Variants in FAT2 observed in about 807,000 individuals in gnomAD.
FAT2 encodes protocadherin Fat 2.
FAT2 carries 150 observed loss-of-function variants against 295.3 expected under a neutral mutation model. The ratio of observed to expected loss-of-function variants is 0.51; its 90% CI spans 0.44 to 0.58. FAT2 has a LOEUF of 0.58. Among genes scored for constraint, FAT2 ranks in the 20% least tolerant of loss-of-function variants. The pLI is 0.00. For synonymous variants in FAT2, 2,026 were observed against 2,150.3 expected (o/e 0.94, Z 1.60); for missense variants, 4,868 against 5,442.7 (o/e 0.89, Z 3.32).
At chr5:151,532,910 T>G (rs1380502597) in intron 13 of FAT2, among the ~76,000 whole-genome samples, 1 of 152,352 alleles carries the variant, frequency 6.6e-6, no homozygotes, top group East Asian at 1.9e-4. Flanking sequence ...GAGTTGAATT[T>G]ATATCCATTA....
intron 10 of FAT2, among the ~76,000 whole-genome samples, 191 bp from the exon 11 acceptor site, chr5:151,540,954 T>C (rs1756068948): frequency 6.6e-6 from 1 of 152,274 alleles, no homozygotes; most frequent in African/African-American, 2.4e-5. Context: ...CTACTTCAAA[T>C]GCCTCCTGTT....
chr5:151,542,727 A>T lies in FAT2; in HGVS notation c.8400T>A (p.Asp2800Glu). 1 of 1,614,220 alleles carries T rather than the reference A, an allele frequency of 6.2e-7. No individual in the cohort carries two copies. The highest frequency in any genetic ancestry group is 8.5e-7 in the Non-Finnish European group (1 of 1,180,044). ...VNDNRPVFEA[D>E]PYKAVLTENM... The stretch of plus-strand genomic sequence containing the variant: ...TCTCAGTGAGGACAGCCTTATATGG[A>T]TCAGCCTCAAATACAGGCCTATTGT... Residue 2800 changes from aspartate to glutamate, a missense_variant, in exon 10 of 24, where the codon GAT becomes GAA. By Grantham distance (45) the Asp-to-Glu change is conservative. Around this residue, in one of 5 missense-constraint regions of FAT2, gnomAD observed 3,297 missense variants for 3,669.4 expected, o/e 0.90. Coordinates refer to ENST00000261800, the MANE Select transcript of FAT2 (RefSeq NM_001447.3).
intron 1 of FAT2, among the ~76,000 whole-genome samples, chr5:151,581,874 C>G (rs568400236): frequency 3.9e-5 from 6 of 152,360 alleles, no homozygotes; most frequent in East Asian, 1.9e-4. Context: ...CCTCTCCTGC[C>G]AGCAAACACA....
rs551921133 is a variant in FAT2 at position 151,533,642 on chromosome 5, T to C, written c.9427+767A>G. Among the ~76,000 whole-genome samples the C allele has an allele frequency of 3.9e-5, 6 of 152,300 alleles. No individual in the cohort carries two copies. The South Asian group carries it at 1.2e-3, about 32-fold the overall frequency. Reference sequence around the variant, plus strand: ...CATCATTTTCCTGTGTTGACCTGGCTATTCTGATGCTGAGAGCATTTTTTT... The same window carrying C: ...CATCATTTTCCTGTGTTGACCTGGCCATTCTGATGCTGAGAGCATTTTTTT... On this transcript the variant is annotated intron_variant, in intron 13 of 23. Transcript: ENST00000261800.
In FAT2 at chr5:151,568,814, C is replaced by T; in HGVS notation, c.118G>A (p.Ala40Thr). ...GGAGAAGAATTTTCATAGATGGTGG[C>T]ATTGTAATGGGAGTGTGTGAAGTGC... ...AWHFTHSHYN[A>T]TIYENSSPKT... Residue 40 changes from alanine (A) to threonine (T), a missense_variant, in exon 2 of 24, where the codon GCC (alanine) becomes ACC (threonine). Around this residue, in one of 5 missense-constraint regions of FAT2, gnomAD observed 3,297 missense variants for 3,669.4 expected, o/e 0.90. Coordinates refer to ENST00000261800, the MANE Select transcript of FAT2 (RefSeq NM_001447.3). The T allele has an allele frequency of 6.2e-7, 1 of 1,614,042 alleles. No homozygotes were observed. The highest frequency in any genetic ancestry group is 8.5e-7 in the Non-Finnish European group (1 of 1,180,010).
At chr5:151,585,155 G>A (rs917346729) in intron 1 of FAT2, among the ~76,000 whole-genome samples, 1 of 152,214 alleles carries the variant, frequency 6.6e-6, no homozygotes, top group Admixed American at 6.5e-5. Context: ...TAAAGAAGGA[G>A]TGATGTGGCT....
intron 19 of FAT2, among the ~76,000 whole-genome samples, chr5:151,518,133 C>T (rs1753053021): frequency 6.6e-6 from 1 of 151,994 alleles, no homozygotes; most frequent in Non-Finnish European, 1.5e-5. Flanking sequence ...AAGTTCGAGA[C>T]CAGCCTGGGC....
intron 3 of FAT2, among the ~76,000 whole-genome samples, chr5:151,560,567 C>G (rs542876494): frequency 1.3e-5 from 2 of 152,328 alleles, no homozygotes; most frequent in South Asian, 4.1e-4. Flanking sequence ...TTCCATGAAG[C>G]CCTTGCAGAT....
At position 151,542,974 on chromosome 5, in the gene FAT2, G is replaced by T. The variant is rs762191044; in HGVS notation, c.8153C>A (p.Ala2718Asp). Residue 2718 changes from alanine (A) to aspartate (D), a missense_variant, in exon 10 of 24, where the codon GCT becomes GAT. By Grantham distance (126) the Ala-to-Asp change is moderately radical. Transcript: ENST00000261800. ...SEIGIVKAVA[A>D]QDPVIYSLVR... ...TAGACTGTAGATGACTGGATCTTGA[G>T]CTGCCACTGCTTTAACAATCCCAAT... is the stretch of plus-strand genomic sequence containing the variant. 3.7e-6 allele frequency: 6 copies of T among 1,614,192 alleles called. No individual in the cohort carries two copies. The Admixed American group carries it at 6.7e-5, about 18-fold the overall frequency.
chr5:151,554,738 A>AGCCCT, intron 4 of FAT2, 65 bp from the exon 5 acceptor site: 3 of 1,253,792 alleles, frequency 2.4e-6, no homozygotes, highest in African/African-American at 3.0e-5. Flanking sequence ...ATGCTTTAAC[A>AGCCCT]ACCTGGAAAT....
At chr5:151,519,331 G>A (rs904881571) in intron 19 of FAT2, among the ~76,000 whole-genome samples, 4 of 152,176 alleles carry the variant, frequency 2.6e-5, no homozygotes, top group African/African-American at 7.2e-5. Context: ...GTGACAGAGC[G>A]AGACTTCATC....
rs1237248391 is a variant in FAT2, at chr5:151,554,488, C to T, written c.3819G>A (p.Glu1273=). 3.7e-6 allele frequency: 6 copies of T among 1,614,234 alleles called. No homozygotes were observed. Among genetic ancestry groups the T allele is most frequent in the South Asian group, 2.2e-5 (2 of 91,092 alleles). The change falls in exon 5 of 24, where the codon GAG becomes GAA. Residue 1273 remains glutamate (E), a synonymous_variant. Transcript: ENST00000261800. ...VYRLVASDLD[E]GLNGRVTYSI... ...TGTAGGTGACTCTGCCATTAAGACC[C>T]TCATCCAGGTCTGAAGCCACCAGCC...
At chr5:151,559,448 T>C (rs1757924583) in intron 3 of FAT2, among the ~76,000 whole-genome samples, 1 of 151,848 alleles carries the variant, frequency 6.6e-6, no homozygotes, top group Non-Finnish European at 1.5e-5. Context: ...GGGCCTGGGG[T>C]CCCCCAGGAA....
At chr5:151,556,177 C>T in intron 4 of FAT2, 167 bp downstream of exon 4, 4 of 645,878 alleles carry the variant, frequency 6.2e-6, no homozygotes, top group Admixed American at 4.5e-5. Flanking sequence ...CTTCTCAGTG[C>T]TGAGGAGCTA....
intron 18 of FAT2, among the ~76,000 whole-genome samples, chr5:151,522,598 A>T (rs1473363711): frequency 6.6e-6 from 1 of 152,208 alleles, no homozygotes; most frequent in African/African-American, 2.4e-5. Context: ...CCAGGAGAAA[A>T]GAGACAATAA....
intron 19 of FAT2, among the ~76,000 whole-genome samples, chr5:151,518,749 AAGCATCTTTGAC>A (rs1581302051): frequency 2.0e-5 from 3 of 152,294 alleles, no homozygotes; most frequent in Admixed American, 1.3e-4. Context: ...TGAGTTTCTT[AAGCATCTTTGAC>A]TGTGGGACAC....
chr5:151,522,223 T>A, intron 18 of FAT2, 137 bp from the exon 19 acceptor site: 1 of 619,816 alleles, frequency 1.6e-6, no homozygotes, highest in Non-Finnish European at 2.6e-6. Flanking sequence ...CATTGTTGCA[T>A]TTAGAAAAAA....
rs769966171 is a variant in FAT2 at position 151,566,702 on chromosome 5, C to G, written c.2230G>C (p.Ala744Pro). The stretch of plus-strand genomic sequence containing the variant: ...TAGACCAGTTTGCCATTAAAACCAG[C>G]ATCAGGGTCAGTGGCTGCTAGGCGG... ...LARLAATDPD[A>P]GFNGKLVYVI... The change falls in exon 2 of 24, where the codon GCT becomes CCT. Residue 744 changes from alanine (A) to proline (P), a missense_variant. By Grantham distance (27) the Ala-to-Pro change is conservative. Coordinates refer to ENST00000261800, the MANE Select transcript of FAT2 (RefSeq NM_001447.3). 1.1e-5 allele frequency: 18 copies of G among 1,614,152 alleles called. No homozygotes were observed. The Admixed American group carries it at 2.8e-4, about 25-fold the overall frequency.
At position 151,512,410 on chromosome 5, in the gene FAT2, G is replaced by A. The variant is rs1194991598; in HGVS notation, c.11660C>T (p.Pro3887Leu). Reference protein sequence around the residue: ...VVPENCRGLRPERHLLLGGLI... With the variant: ...VVPENCRGLRLERHLLLGGLI... ...GCCGCCCAGCAAGAGGTGCCTTTCGGGCCTCAGACCACGGCAGTTCTCTGG... is the reference window on the plus strand; with the variant it reads ...GCCGCCCAGCAAGAGGTGCCTTTCGAGCCTCAGACCACGGCAGTTCTCTGG... The change falls in exon 21 of 24, where the codon CCC becomes CTC. Residue 3887 changes from proline to leucine, a missense_variant. Pro to Leu is a moderately conservative substitution (Grantham distance 98). This residue lies in a region of FAT2 where 1,046 missense variants were observed against 1,210.1 expected (regional missense o/e 0.86). Transcript: ENST00000261800. The surrounding 1 kb of genome is among the most constrained non-coding windows in gnomAD (Gnocchi z 4.1). 1 of 1,614,118 alleles carries A rather than the reference G, an allele frequency of 6.2e-7. No individual in the cohort carries two copies. The highest frequency in any genetic ancestry group is 8.5e-7 in the Non-Finnish European group (1 of 1,180,052).
Sources: gnomAD v4.1 joint callset for allele counts (sites outside exome capture counted in the v4.1 genomes callset) on GRCh38, gnomAD v4.1.1 for gene constraint, gnomAD v4.1.1 regional missense constraint, Gnocchi (gnomAD v3.1) non-coding constraint, MANE v1.5 for transcripts, NCBI Gene and HGNC (gene_info 2026-07-23, HGNC 2026-07-21) for gene names.